Variants in SACS observed in about 807,000 individuals in gnomAD.
SACS encodes the protein sacsin molecular chaperone.
Under a neutral mutation model 348.0 loss-of-function variants are expected in SACS, and 197 were observed. The observed-to-expected ratio is 0.57, with a 90% CI of 0.50 to 0.64. SACS has a LOEUF of 0.64. SACS is among the 30% of genes least tolerant of loss of function. The pLI, the probability that SACS is intolerant of heterozygous loss-of-function variation, is 0.00. For missense variants in SACS, 4,999 were observed against 5,360.8 expected (o/e 0.93, Z 2.11); for synonymous variants, 1,985 against 1,910.6 (o/e 1.04, Z -1.02).
chr13:23,329,720 T>TTAA lies in SACS; in HGVS notation c.*413_*415dup, dbSNP rs1883347264. 1 of 506,756 alleles carries TTAA rather than the reference T, an allele frequency of 2.0e-6. No individual in the cohort carries two copies. Among genetic ancestry groups the TTAA allele is most frequent in the Non-Finnish European group, 3.4e-6 (1 of 290,784 alleles). The allele number at this position is 506,756 out of a possible 1,614,324, so 31.4% of individuals were successfully genotyped here. On this transcript the variant is annotated 3_prime_UTR_variant, in exon 10 of 10. Coordinates refer to ENST00000382292, the MANE Select transcript of SACS (RefSeq NM_014363.6). The stretch of plus-strand genomic sequence containing the variant: ...TAAAAAAATGACAGACTACAAAGAC[T>TTAA]TAATTCCCCTTATGTTTAAACCAAT...
chr13:23,372,537 T>A (rs1430067413), intron 3 of SACS, among the ~76,000 whole-genome samples: 1 of 152,138 alleles, frequency 6.6e-6, no homozygotes, highest in Admixed American at 6.5e-5. Flanking sequence ...ATACTAGAAA[T>A]AGGAAATCAG....
chr13:23,368,773 A>G (rs545716429), intron 4 of SACS, among the ~76,000 whole-genome samples: 37 of 152,112 alleles, frequency 2.4e-4, no homozygotes, highest in African/African-American at 8.4e-4. Flanking sequence ...ATCTCCCCTC[A>G]CTGCAAGCTC....
chr13:23,345,873 A>G (rs1220544887), intron 9 of SACS, among the ~76,000 whole-genome samples: 1 of 152,150 alleles, frequency 6.6e-6, no homozygotes, highest in Non-Finnish European at 1.5e-5. Flanking sequence ...TGGGGAAAAT[A>G]GGACCACTAG....
In SACS at chr13:23,358,608, G is replaced by A. The variant is rs1036251784; in HGVS notation, c.458-127C>T. The A allele has an allele frequency of 7.7e-6, 7 of 911,446 alleles. No homozygotes were observed. The African/African-American group carries it at 9.9e-5, about 13-fold the overall frequency. 56.5% of individuals were successfully genotyped at this position (911,446 alleles called of 1,614,324 possible). A position where few individuals can be genotyped will look rare whatever the true frequency, so the allele number is the denominator to read the frequency against. ...ATAGAGAGGAGTGAATAGAGTGACT[G>A]AATTCCACACTATAATTCTGTTTTT... is the stretch of plus-strand genomic sequence containing the variant. On this transcript the variant is annotated intron_variant, in intron 6 of 9. Coordinates refer to ENST00000382292, the MANE Select transcript of SACS (RefSeq NM_014363.6).
At chr13:23,408,189 G>C (rs2137951566) in intron 2 of SACS, among the ~76,000 whole-genome samples, 1 of 152,062 alleles carries the variant, frequency 6.6e-6, no homozygotes, top group East Asian at 1.9e-4. Context: ...CAACATAAGA[G>C]AGGATTCCTA....
chr13:23,337,620 C>G lies in SACS; in HGVS notation c.6256G>C (p.Asp2086His). 6.2e-7 allele frequency: 1 copy of G among 1,613,732 alleles called. No homozygotes were observed. The change falls in exon 10 of 10, where the codon GAT becomes CAT. Residue 2086 changes from aspartate to histidine, a missense_variant. Transcript: ENST00000382292. Reference protein sequence around the residue: ...LMIFVLNEKVDEFSGVLRVTP... With the variant: ...LMIFVLNEKVHEFSGVLRVTP... ...ACACGAAGAACTCCCGAGAACTCATCAACTTTTTCATTTAGAACAAAGATC... is the reference window on the plus strand; with the variant it reads ...ACACGAAGAACTCCCGAGAACTCATGAACTTTTTCATTTAGAACAAAGATC...
chr13:23,383,630 G>T (rs1443812032), intron 2 of SACS, among the ~76,000 whole-genome samples: 1 of 151,934 alleles, frequency 6.6e-6, no homozygotes, highest in Non-Finnish European at 1.5e-5. Flanking sequence ...GTTCAATTTT[G>T]ATGGCCCACC....
At position 23,335,422 on chromosome 13, in the gene SACS, C is replaced by G. The variant is rs1868481514; in HGVS notation, c.8454G>C (p.Trp2818Cys). The G allele has an allele frequency of 1.2e-6, 2 of 1,613,762 alleles. No individual in the cohort carries two copies. The highest frequency in any genetic ancestry group is 1.3e-5 in the African/African-American group (1 of 74,908). Residue 2818 changes from tryptophan (W) to cysteine (C), a missense_variant, in exon 10 of 10, where the codon TGG (tryptophan) becomes TGC (cysteine). Physicochemically the swap from Trp to Cys is radical, Grantham distance 215. Around this residue, in one of 6 missense-constraint regions of SACS, gnomAD observed 3,156 missense variants for 3,380.1 expected, o/e 0.93. Transcript: ENST00000382292. This position sits in a 1 kb window ranked among gnomAD's most constrained non-coding sequence, Gnocchi z 4.7. ...TEDSEGNLTT[W>C]LICNRSGFSS... ...AAAAGCCTGATCTATTACAAATTAG[C>G]CACGTAGTAAGATTTCCTTCAGAGT... is the stretch of plus-strand genomic sequence containing the variant.
intron 6 of SACS, among the ~76,000 whole-genome samples, chr13:23,361,777 C>T (rs775304299): frequency 1.1e-4 from 16 of 147,884 alleles, no homozygotes; most frequent in African/African-American, 3.3e-4. Context: ...AACTCCGTTT[C>T]GAAAAAGAAG....
chr13:23,349,596 C>T (rs78086119), intron 9 of SACS, among the ~76,000 whole-genome samples: 4,030 of 152,240 alleles, frequency 0.026, 100 homozygotes, highest in East Asian at 0.11. Flanking sequence ...TGATCTGCTG[C>T]AATAACACAA....
rs200939906 is a variant in SACS, at chr13:23,330,837, T to G, written c.13039A>C (p.Ile4347Leu). The change falls in exon 10 of 10, where the codon ATT (isoleucine) becomes CTT (leucine). Residue 4347 changes from isoleucine to leucine, a missense_variant. Ile to Leu is a conservative substitution (Grantham distance 5). Transcript: ENST00000382292. ...HPDKNPENHD[I>L]ANEVFKHLQN... ...AAATGTTTAAAAACTTCATTGGCAA[T>G]GTCATGGTTCTCTGGATTTTTGTCA... The G allele has an allele frequency of 1.2e-6, 2 of 1,614,140 alleles. No homozygotes were observed. Among genetic ancestry groups the G allele is most frequent in the Admixed American group, 3.3e-5 (2 of 60,034 alleles).
chr13:23,400,716 G>A (rs996959048), intron 2 of SACS, among the ~76,000 whole-genome samples: 14 of 152,130 alleles, frequency 9.2e-5, no homozygotes, highest in African/African-American at 2.4e-4. Context: ...CACCGCGCCC[G>A]GCCAGTCACT....
rs1014170767 is a variant in SACS at position 23,335,450 on chromosome 13, T to G, written c.8426A>C (p.Glu2809Ala). 2 of 1,613,746 alleles carry G rather than the reference T, an allele frequency of 1.2e-6. No individual in the cohort carries two copies. Among genetic ancestry groups the G allele is most frequent in the Non-Finnish European group, 1.7e-6 (2 of 1,179,902 alleles). Residue 2809 changes from glutamate (E) to alanine (A), a missense_variant, in exon 10 of 10, where the codon GAG becomes GCG. Around this residue, in one of 6 missense-constraint regions of SACS, gnomAD observed 3,156 missense variants for 3,380.1 expected, o/e 0.93. Coordinates refer to ENST00000382292, the MANE Select transcript of SACS (RefSeq NM_014363.6). This position sits in a 1 kb window ranked among gnomAD's most constrained non-coding sequence, Gnocchi z 4.7. Reference sequence around the variant, plus strand: ...CGTAGTAAGATTTCCTTCAGAGTCCTCAGTATCCATAGTATAGGTTATTTG... The same window carrying G: ...CGTAGTAAGATTTCCTTCAGAGTCCGCAGTATCCATAGTATAGGTTATTTG... ...VQQITYTMDT[E>A]DSEGNLTTWL...
Position 23,355,986 on chromosome 13 carries a change from C to T in SACS, c.626G>A (p.Gly209Asp). 1.2e-6 allele frequency: 2 copies of T among 1,613,548 alleles called. No individual in the cohort carries two copies. The highest frequency in any genetic ancestry group is 1.6e-4 in the Middle Eastern group (1 of 6,062). The change falls in exon 8 of 10, where the codon GGT becomes GAT. Residue 209 changes from glycine to aspartate, a missense_variant. By Grantham distance (94) the Gly-to-Asp change is moderately conservative. Around this residue, in one of 6 missense-constraint regions of SACS, gnomAD observed 3,156 missense variants for 3,380.1 expected, o/e 0.93. Coordinates refer to ENST00000382292, the MANE Select transcript of SACS (RefSeq NM_014363.6). ...HITDVPCIFS[G>D]DQIGMLDPHQ... is the part of the protein sequence containing the mutation. ...AGGATCTAGCATCCCGATTTGGTCA[C>T]CACTAAAGATACAAGGAACATCTGT...
At chr13:23,407,794 T>C (rs1050324882) in intron 2 of SACS, among the ~76,000 whole-genome samples, 2 of 152,180 alleles carry the variant, frequency 1.3e-5, no homozygotes, top group Non-Finnish European at 2.9e-5. Flanking sequence ...AGCTGGTGCA[T>C]GCATCCCGCC....
intron 2 of SACS, among the ~76,000 whole-genome samples, chr13:23,401,271 T>G (rs1358066990): frequency 6.6e-6 from 1 of 152,156 alleles, no homozygotes; most frequent in Non-Finnish European, 1.5e-5. Context: ...GTCACTCCTC[T>G]GCTCTCTGAG....
intron 6 of SACS, among the ~76,000 whole-genome samples, chr13:23,364,550 G>C (rs1287653787): frequency 6.6e-6 from 1 of 152,190 alleles, no homozygotes; most frequent in African/African-American, 2.4e-5. Context: ...CAAAGTGCTA[G>C]GATTACAGGC....
chr13:23,352,158 T>C, intron 9 of SACS, among the ~76,000 whole-genome samples: 1 of 152,318 alleles, frequency 6.6e-6, no homozygotes. Flanking sequence ...TGAATAACTT[T>C]TGGCCGATTT....
Position 23,355,561 on chromosome 13 carries a change from T to C in SACS, c.1051A>G (p.Ile351Val). 6.2e-7 allele frequency: 1 copy of C among 1,614,158 alleles called. No individual in the cohort carries two copies. The highest frequency in any genetic ancestry group is 8.5e-7 in the Non-Finnish European group (1 of 1,180,008). ...TAGTTACTTATAGCAGTTCCCAGAA[T>C]CTTTATAGAATTCGGCCGCTCATGT... is the stretch of plus-strand genomic sequence containing the variant. ...LKHERPNSIK[I>V]LGTAISNYCK... The change falls in exon 8 of 10, where the codon ATT becomes GTT. Residue 351 changes from isoleucine (I) to valine (V), a missense_variant. Around this residue, in one of 6 missense-constraint regions of SACS, gnomAD observed 3,156 missense variants for 3,380.1 expected, o/e 0.93. Transcript: ENST00000382292.
Sources: allele counts gnomAD v4.1 joint callset (sites outside exome capture counted in the v4.1 genomes callset), GRCh38; gene constraint gnomAD v4.1.1; regional missense constraint gnomAD v4.1.1; non-coding constraint Gnocchi (gnomAD v3.1); transcripts MANE v1.5; gene names NCBI Gene and HGNC (gene_info 2026-07-23, HGNC 2026-07-21).